CDC123: variants seen among roughly 807,000 people sequenced by gnomAD.
CDC123 encodes the protein cell division cycle 123.
In CDC123, 37 loss-of-function variants were observed where a neutral mutation model predicts 54.4. The observed-to-expected ratio is 0.68, with a 90% CI of 0.52 to 0.89. The LOEUF is 0.89. Ranked by LOEUF, CDC123 falls within the 40% of genes least tolerant of loss-of-function variation. The pLI, the probability that CDC123 is intolerant of heterozygous loss-of-function variation, is 0.00. For synonymous variants in CDC123, 144 were observed against 136.8 expected, an observed-to-expected ratio of 1.05 and a Z score of -0.37; for missense variants, 361 against 412.1, an observed-to-expected ratio of 0.88 and a Z score of 1.07.
rs751109243 is a variant in CDC123 at position 12,217,468 on chromosome 10, G to GT, written c.440+2dup. 2.7e-5 allele frequency: 43 copies of GT among 1,612,512 alleles called. 1 individual carries two copies. The highest frequency in any genetic ancestry group is 3.2e-5 in the Non-Finnish European group (38 of 1,179,320). On this transcript the variant is annotated splice_donor_variant, in intron 6 of 12. Coordinates refer to ENST00000281141, the MANE Select transcript of CDC123 (RefSeq NM_006023.3). LOFTEE classifies it high-confidence loss of function. ...TCATCACTCGTGACTTCACTCAGCC[G>GT]TAAGTATCTCTTATTCTCTCATGTC...
At chr10:12,220,908 CG>C (rs1477964881) in intron 6 of CDC123, among the ~76,000 whole-genome samples, 3 of 151,402 alleles carry the variant, frequency 2.0e-5, no homozygotes, top group Non-Finnish European at 2.9e-5. Flanking sequence ...ACCCGGGAGG[CG>C]GAGCTTGCAG....
intron 6 of CDC123, among the ~76,000 whole-genome samples, chr10:12,220,955 C>T (rs1049192351): frequency 6.0e-5 from 9 of 149,326 alleles, no homozygotes; most frequent in African/African-American, 9.9e-5. Context: ...TCAGCCTGGG[C>T]GACAGAGCGA....
intron 9 of CDC123, among the ~76,000 whole-genome samples, chr10:12,237,891 G>A (rs143644266): frequency 2.0e-3 from 312 of 152,294 alleles, no homozygotes; most frequent in African/African-American, 6.7e-3. Context: ...GACAGCACCA[G>A]TTACAAAGTA....
At chr10:12,231,813 A>C (rs1185473125) in intron 7 of CDC123, among the ~76,000 whole-genome samples, 2 of 151,968 alleles carry the variant, frequency 1.3e-5, no homozygotes, top group Non-Finnish European at 2.9e-5. Flanking sequence ...CTGCTCATCA[A>C]CTGTCATGAA....
rs750026093 is a variant in CDC123 at position 12,230,939 on chromosome 10, C to T, written c.441-9C>T. 6.2e-7 allele frequency: 1 copy of T among 1,611,586 alleles called. No individual in the cohort carries two copies. Among genetic ancestry groups the T allele is most frequent in the Non-Finnish European group, 8.5e-7 (1 of 1,179,104 alleles). On this transcript the variant is annotated splice_polypyrimidine_tract_variant and intron_variant, in intron 6 of 12. Transcript: ENST00000281141. ...AAAGATTCAGTTGCCTTTTCTTCTT[C>T]TTCCAAAGGTTTATTCATTGTACTG...
intron 4 of CDC123, among the ~76,000 whole-genome samples, chr10:12,210,539 A>G (rs1214940867): frequency 6.6e-6 from 1 of 152,164 alleles, no homozygotes; most frequent in African/African-American, 2.4e-5. Flanking sequence ...TGCAAAGGAA[A>G]TATTTCGAGT....
chr10:12,198,539 C>A (rs1235028720), intron 1 of CDC123, among the ~76,000 whole-genome samples, 166 bp from the exon 2 acceptor site: 1 of 152,138 alleles, frequency 6.6e-6, no homozygotes, highest in Non-Finnish European at 1.5e-5. Flanking sequence ...CCGCAGTAAT[C>A]TTATTATTCT....
At chr10:12,199,572 G>A (rs1441936261) in intron 2 of CDC123, among the ~76,000 whole-genome samples, 2 of 152,186 alleles carry the variant, frequency 1.3e-5, no homozygotes, top group African/African-American at 4.8e-5. Context: ...ACATTTGTTG[G>A]ATGAAGGAAC....
At chr10:12,237,561 G>A (rs1229839138) in intron 9 of CDC123, 1 of 165,008 alleles carries the variant, frequency 6.1e-6, no homozygotes, top group African/African-American at 2.4e-5. Context: ...AGCCTCCCAA[G>A]TAGCTGGGGC....
At chr10:12,236,600 A>G (rs1005324687) in intron 8 of CDC123, among the ~76,000 whole-genome samples, 3 of 129,974 alleles carry the variant, frequency 2.3e-5, no homozygotes, top group East Asian at 4.6e-4. Flanking sequence ...CACTGTCTCT[A>G]AAAAAAAAAA....
intron 8 of CDC123, among the ~76,000 whole-genome samples, chr10:12,235,749 A>G (rs889725367): frequency 2.6e-5 from 4 of 152,260 alleles, no homozygotes; most frequent in African/African-American, 9.6e-5. Flanking sequence ...GATGCATTGA[A>G]TGTGATGTTG....
At chr10:12,235,226 A>C in intron 8 of CDC123, 103 bp downstream of exon 8, 1 of 953,206 alleles carries the variant, frequency 1.0e-6, no homozygotes, top group Non-Finnish European at 1.7e-6. Flanking sequence ...CAGGGATGTC[A>C]ATCTGTTTTC....
rs34192186 is a variant in CDC123, at chr10:12,240,007, C to CA, written c.717+1541dup. Among the ~76,000 whole-genome samples, 699 of 101,416 alleles carry CA rather than the reference C, an allele frequency of 6.9e-3. 13 individuals are homozygous for CA. Among genetic ancestry groups the CA allele is most frequent in the South Asian group, 0.068 (236 of 3,446 alleles). The allele number at this position is 101,416 out of a possible 152,430, so 66.5% of individuals were successfully genotyped here. Reference sequence around the variant, plus strand: ...TGGGCTACAGAGCGAGACTCCGTCTCAAAAAAAAAAAAAAAAAAATTATTA... The same window carrying CA: ...TGGGCTACAGAGCGAGACTCCGTCTCAAAAAAAAAAAAAAAAAAAATTATTA... On this transcript the variant is annotated intron_variant, in intron 10 of 12. Transcript: ENST00000281141.
At chr10:12,217,299 C>T in intron 5 of CDC123, 62 bp from the exon 6 acceptor site, 1 of 1,519,538 alleles carries the variant, frequency 6.6e-7, no homozygotes, top group Non-Finnish European at 9.0e-7. Context: ...TTGTTATAGG[C>T]CTGAGCATTC....
At chr10:12,245,506 C>G (rs1160948798) in intron 10 of CDC123, 1 of 152,206 alleles carries the variant, frequency 6.6e-6, no homozygotes, top group Non-Finnish European at 1.5e-5. Flanking sequence ...GTCTGTCCGC[C>G]TCAGCCTCCC....
rs1018560955 is a variant in CDC123 at position 12,233,797 on chromosome 10, G to GT, written c.490-1244dup. 1.1e-4 allele frequency among the ~76,000 whole-genome samples: 16 copies of GT among 151,870 alleles called. No individual in the cohort carries two copies. In the South Asian group the frequency reaches 2.5e-3, roughly 24 times the overall value. On this transcript the variant is annotated intron_variant, in intron 7 of 12. Transcript: ENST00000281141. ...AATTTCTAAGGCATACTTTAAATGT[G>GT]TTTTTTTAATACATTGAGAGTGCCC...
intron 6 of CDC123, among the ~76,000 whole-genome samples, chr10:12,225,277 C>T (rs1835795123): frequency 6.6e-6 from 1 of 152,128 alleles, no homozygotes; most frequent in South Asian, 2.1e-4. Context: ...CGCCTGTAAT[C>T]CCAGCTACTT....
chr10:12,242,334 G>A (rs1836070041), intron 10 of CDC123, among the ~76,000 whole-genome samples: 1 of 152,134 alleles, frequency 6.6e-6, no homozygotes, highest in South Asian at 2.1e-4. Flanking sequence ...GTGCCTCTCC[G>A]CTCTCACAGT....
intron 6 of CDC123, among the ~76,000 whole-genome samples, chr10:12,226,466 G>C (rs1259759463): frequency 6.6e-6 from 1 of 151,934 alleles, no homozygotes; most frequent in Admixed American, 6.5e-5. Flanking sequence ...CAGACGGGGC[G>C]GCTGCTGGGC....
Sources: allele counts gnomAD v4.1 joint callset (sites outside exome capture counted in the v4.1 genomes callset), GRCh38; gene constraint gnomAD v4.1.1; transcripts MANE v1.5; gene names NCBI Gene and HGNC (gene_info 2026-07-23, HGNC 2026-07-21).